Variants in CEP63 observed in about 807,000 individuals in gnomAD.
CEP63 encodes centrosomal protein of 63 kDa.
CEP63 carries 84 observed loss-of-function variants against 89.1 expected under a neutral mutation model. The observed-to-expected ratio is 0.94, with a 90% CI of 0.79 to 1.13. The LOEUF is 1.13. Among genes scored for constraint, CEP63 ranks in the 50% most tolerant of loss-of-function variants. The probability of loss-of-function intolerance (pLI) is 0.00; values close to 1 mark genes in which losing one functional copy is unlikely to be tolerated. For missense variants in CEP63, 838 were observed against 813.3 expected, an observed-to-expected ratio of 1.03 and a Z score of -0.37; for synonymous variants, 267 against 272.5, an observed-to-expected ratio of 0.98 and a Z score of 0.20.
At chr3:134,766,175 G>T in the CEP63 span, among the ~76,000 whole-genome samples, 1 of 152,198 alleles carries the variant, frequency 6.6e-6, no homozygotes, top group African/African-American at 2.4e-5. Flanking sequence ...TGGGTGCAGG[G>T]CCTTGCCATT....
the CEP63 span, among the ~76,000 whole-genome samples, chr3:134,689,991 T>C: frequency 6.6e-6 from 1 of 152,246 alleles, no homozygotes; most frequent in Non-Finnish European, 1.5e-5. Flanking sequence ...TTTTCATTGC[T>C]ATTAGTTATT....
chr3:134,697,944 C>T, the CEP63 span, among the ~76,000 whole-genome samples: 44 of 152,310 alleles, frequency 2.9e-4, no homozygotes, highest in African/African-American at 9.1e-4. Flanking sequence ...GTGGGTTGTC[C>T]TCTGATGCAC....
the CEP63 span, among the ~76,000 whole-genome samples, chr3:134,780,886 G>T: frequency 6.6e-6 from 1 of 152,038 alleles, no homozygotes; most frequent in Admixed American, 6.5e-5. Flanking sequence ...ATTCTCCTAT[G>T]TTATATTTAA....
chr3:134,495,062 G>A (rs1030574300), intron 1 of CEP63, among the ~76,000 whole-genome samples: 3 of 152,168 alleles, frequency 2.0e-5, no homozygotes, highest in African/African-American at 4.8e-5. Context: ...ATATTTACAC[G>A]GAGAGAGTGT....
Position 134,564,937 on chromosome 3 carries a change from T to C in CEP63, c.*3402T>C. ...GAAGTATCTAATAGTTAATGGGTTG[T>C]CCAAATTTGTCAGAACATTTGACTG... is the stretch of plus-strand genomic sequence containing the variant. On this transcript the variant is annotated 3_prime_UTR_variant, in exon 15 of 15. Coordinates refer to ENST00000675561, the MANE Select transcript of CEP63 (RefSeq NM_001353108.3). The C allele has an allele frequency of 3.7e-5, 36 of 983,236 alleles. No individual in the cohort carries two copies. The highest frequency in any genetic ancestry group is 4.3e-5 in the Non-Finnish European group (36 of 827,930). 60.9% of individuals were successfully genotyped at this position (983,236 alleles called of 1,614,324 possible).
chr3:134,549,287 A>G (rs966453471), intron 10 of CEP63, 111 bp downstream of exon 10: 2 of 708,916 alleles, frequency 2.8e-6, no homozygotes, highest in African/African-American at 3.5e-5. Context: ...AGTTCAAGGG[A>G]CCACTTGATA....
chr3:134,641,756 C>T, the CEP63 span, among the ~76,000 whole-genome samples: 1 of 152,178 alleles, frequency 6.6e-6, no homozygotes, highest in African/African-American at 2.4e-5. Context: ...CCTTATCATC[C>T]TTCCTGCTTT....
chr3:134,678,863 G>T, the CEP63 span, among the ~76,000 whole-genome samples: 1 of 152,160 alleles, frequency 6.6e-6, no homozygotes, highest in Non-Finnish European at 1.5e-5. Flanking sequence ...TCTCCACCTG[G>T]TTCAAGACCC....
chr3:134,585,973 T>A (rs1958475745), intron 10 of CEP63, among the ~76,000 whole-genome samples: 1 of 152,204 alleles, frequency 6.6e-6, no homozygotes, highest in Non-Finnish European at 1.5e-5. Flanking sequence ...TCTCTTTAGA[T>A]CTTTGTTGCC....
intron 3 of CEP63, among the ~76,000 whole-genome samples, chr3:134,531,013 T>G (rs1438026834): frequency 6.6e-6 from 1 of 152,176 alleles, no homozygotes; most frequent in Non-Finnish European, 1.5e-5. Flanking sequence ...TAGGTGTCAC[T>G]GGTATCAAAT....
chr3:134,730,652 C>T, the CEP63 span, among the ~76,000 whole-genome samples: 1 of 151,780 alleles, frequency 6.6e-6, no homozygotes, highest in Non-Finnish European at 1.5e-5. Context: ...CATAACAAAT[C>T]AGTTTCTTTA....
At chr3:134,570,578 T>G (rs1220413732) in intron 11 of CEP63, among the ~76,000 whole-genome samples, 1 of 152,222 alleles carries the variant, frequency 6.6e-6, no homozygotes, top group African/African-American at 2.4e-5. Context: ...GTTATCAGCA[T>G]TTTGGTCAAA....
chr3:134,560,735 G>T (rs2110161222), intron 14 of CEP63, among the ~76,000 whole-genome samples: 1 of 152,244 alleles, frequency 6.6e-6, no homozygotes, highest in Middle Eastern at 3.4e-3. Context: ...GGGTATGTGT[G>T]TATGTGTGTG....
At chr3:134,538,294 G>A (rs1427516744) in intron 6 of CEP63, among the ~76,000 whole-genome samples, 1 of 141,364 alleles carries the variant, frequency 7.1e-6, no homozygotes, top group Non-Finnish European at 1.5e-5. Flanking sequence ...CTTTTTGTTC[G>A]TCTCCCTGAA....
chr3:134,701,316 G>GTGTA, the CEP63 span, among the ~76,000 whole-genome samples: 1 of 58,932 alleles, frequency 1.7e-5, no homozygotes. Flanking sequence ...GTATATATGT[G>GTGTA]TATATATACA....
the CEP63 span, among the ~76,000 whole-genome samples, chr3:134,717,956 G>A: frequency 2.0e-5 from 3 of 152,116 alleles, no homozygotes; most frequent in African/African-American, 7.2e-5. Context: ...GTGTAAATCT[G>A]TTGGCTTTAC....
At chr3:134,603,324 T>C in the CEP63 span, 362 of 408,556 alleles carry the variant, frequency 8.9e-4, no homozygotes, top group Non-Finnish European at 1.3e-3. Flanking sequence ...CAGTTTACAA[T>C]ACCTTAGATT....
the CEP63 span, chr3:134,629,676 T>A: frequency 1.3e-6 from 2 of 1,595,628 alleles, no homozygotes; most frequent in South Asian, 2.3e-5. Context: ...GAGGGTGGAC[T>A]TCCACAGTCA....
At chr3:134,768,011 C>T in the CEP63 span, among the ~76,000 whole-genome samples, 5 of 152,108 alleles carry the variant, frequency 3.3e-5, no homozygotes, top group Non-Finnish European at 5.9e-5. Flanking sequence ...AAGCTGAGGA[C>T]GTAGAGTGTC....
Sources: allele counts gnomAD v4.1 joint callset (sites outside exome capture counted in the v4.1 genomes callset), GRCh38; gene constraint gnomAD v4.1.1; transcripts MANE v1.5; gene names NCBI Gene and HGNC (gene_info 2026-07-23, HGNC 2026-07-21).